The following ANO6 variants were observed in gnomAD, a reference collection of about 807,000 sequenced individuals.
ANO6 encodes anoctamin-6.
A neutral mutation model predicts 117.5 loss-of-function variants in ANO6; 106 were observed. The ratio of observed to expected loss-of-function variants is 0.90; its 90% CI spans 0.77 to 1.06. The LOEUF (loss-of-function observed/expected upper bound fraction) is 1.06. ANO6 is among the 50% of genes least tolerant of loss of function. The pLI is 0.00. For missense variants in ANO6, 955 were observed against 1,121.1 expected, an observed-to-expected ratio of 0.85 and a Z score of 2.12; for synonymous variants, 367 against 385.1, an observed-to-expected ratio of 0.95 and a Z score of 0.55.
chr12:45,237,947 G>A lies in ANO6; in HGVS notation c.70+21556G>A, dbSNP rs145277490. Reference sequence around the variant, plus strand: ...CTTGAAGAGGTCCCTCACATCTCTTGTAAGTTGGATTCCTAGCTATTTTAT... The same window carrying A: ...CTTGAAGAGGTCCCTCACATCTCTTATAAGTTGGATTCCTAGCTATTTTAT... On this transcript the variant is annotated intron_variant, in intron 1 of 19. Transcript: ENST00000320560. 1.4e-3 allele frequency among the ~76,000 whole-genome samples: 212 copies of A among 152,252 alleles called. 1 individual carries two copies. The highest frequency in any genetic ancestry group is 4.9e-3 in the African/African-American group (205 of 41,550).
At chr12:45,304,901 G>T (rs917907465) in intron 2 of ANO6, among the ~76,000 whole-genome samples, 11 of 152,150 alleles carry the variant, frequency 7.2e-5, no homozygotes, top group Non-Finnish European at 1.5e-4. Flanking sequence ...AATAAATGCT[G>T]CTGTGAACCT....
rs1028825643 is a variant in ANO6 at position 45,403,337 on chromosome 12, A to AT, written c.1783-96dup. The AT allele has an allele frequency of 8.1e-5, 125 of 1,540,708 alleles. No homozygotes were observed. In the African/African-American group the frequency reaches 1.2e-3, roughly 15 times the overall value. ...TTTTTATTGTAAATTCCTTAGATTTATTTTTTAGCCTAAACAGAACAAATG... is the reference window on the plus strand; with the variant it reads ...TTTTTATTGTAAATTCCTTAGATTTATTTTTTTAGCCTAAACAGAACAAATG... On this transcript the variant is annotated intron_variant, in intron 14 of 19. Coordinates refer to ENST00000320560, the MANE Select transcript of ANO6 (RefSeq NM_001025356.3).
At chr12:45,222,016 G>A (rs1461349095) in intron 1 of ANO6, among the ~76,000 whole-genome samples, 1 of 151,386 alleles carries the variant, frequency 6.6e-6, no homozygotes, top group African/African-American at 2.4e-5. Flanking sequence ...CAAGTAGCTG[G>A]GACTACAGGC....
Position 45,429,600 on chromosome 12 carries a change from C to A in ANO6, c.*289C>A. On this transcript the variant is annotated 3_prime_UTR_variant, in exon 20 of 20. Transcript: ENST00000320560. ...TCCCTCAGTGTGCTTAAAAACCACCCCTTCTAAAGTAGAATGGATTCTTTT... is the reference window on the plus strand; with the variant it reads ...TCCCTCAGTGTGCTTAAAAACCACCACTTCTAAAGTAGAATGGATTCTTTT... 1 of 1,221,126 alleles carries A rather than the reference C, an allele frequency of 8.2e-7. No homozygotes were observed. 75.6% of individuals were successfully genotyped at this position (1,221,126 alleles called of 1,614,324 possible).
At chr12:45,257,433 C>T (rs369661893) in intron 1 of ANO6, among the ~76,000 whole-genome samples, 3 of 152,178 alleles carry the variant, frequency 2.0e-5, no homozygotes, top group Non-Finnish European at 4.4e-5. Context: ...GGAATGATTT[C>T]GGTGATTTAG....
At chr12:45,301,594 G>A (rs1244777079) in intron 1 of ANO6, among the ~76,000 whole-genome samples, 1 of 150,514 alleles carries the variant, frequency 6.6e-6, no homozygotes, top group East Asian at 1.9e-4. Context: ...TCCAGCCTGG[G>A]TGACAGAGTG....
At chr12:45,419,757 C>G (rs887172416) in intron 17 of ANO6, among the ~76,000 whole-genome samples, 2 of 152,034 alleles carry the variant, frequency 1.3e-5, no homozygotes, top group African/African-American at 2.4e-5. Flanking sequence ...TCCTTCCTTC[C>G]AACCAGTTTT....
intron 3 of ANO6, among the ~76,000 whole-genome samples, chr12:45,335,292 G>A (rs932872270): frequency 1.3e-5 from 2 of 151,828 alleles, no homozygotes; most frequent in East Asian, 3.9e-4. Flanking sequence ...TTCAAATACC[G>A]TGAGACAACT....
intron 12 of ANO6, among the ~76,000 whole-genome samples, chr12:45,390,924 C>G (rs1942432442): frequency 6.6e-6 from 1 of 152,090 alleles, no homozygotes; most frequent in Non-Finnish European, 1.5e-5. Flanking sequence ...GAGTCAAGAC[C>G]AGCCTGGCCA....
In ANO6 at chr12:45,369,785, AAT is replaced by A. The variant is rs1176363283; in HGVS notation, c.1104+1995_1104+1996del. Among the ~76,000 whole-genome samples, 5 of 152,334 alleles carry A rather than the reference AAT, an allele frequency of 3.3e-5. No homozygotes were observed. The East Asian group carries it at 7.7e-4, about 23-fold the overall frequency. On this transcript the variant is annotated intron_variant, in intron 9 of 19. Transcript: ENST00000320560. ...TACCTTTTAGCAAATTAAAAATAGA[AAT>A]ATGAAATTAGGAAACAATTACACAA...
chr12:45,267,752 G>T (rs186711326), intron 1 of ANO6, among the ~76,000 whole-genome samples: 1 of 152,094 alleles, frequency 6.6e-6, no homozygotes, highest in East Asian at 1.9e-4. Context: ...GAACATGCCA[G>T]TGTGCTCCAG....
At chr12:45,350,811 T>C in intron 7 of ANO6, 37 bp downstream of exon 7, 1 of 1,511,402 alleles carries the variant, frequency 6.6e-7, no homozygotes, top group Non-Finnish European at 9.2e-7. Flanking sequence ...GGGGAGGCAC[T>C]CAGGGTGTTA....
rs1593000070 is a variant in ANO6 at position 45,350,546 on chromosome 12, A to C, written c.748-113A>C. 9.7e-6 allele frequency: 8 copies of C among 823,282 alleles called. No individual in the cohort carries two copies. The East Asian group carries it at 2.1e-4, about 22-fold the overall frequency. 51.0% of individuals were successfully genotyped at this position (823,282 alleles called of 1,614,324 possible). A position where few individuals can be genotyped will look rare whatever the true frequency, so the allele number is the denominator to read the frequency against. On this transcript the variant is annotated intron_variant, in intron 6 of 19. Coordinates refer to ENST00000320560, the MANE Select transcript of ANO6 (RefSeq NM_001025356.3). ...AGATGGTATTTCCACCCTTTCCAGA[A>C]GGTGAGGACCCCTTGTTCACAATTG...
chr12:45,424,947 T>TA (rs35933311), intron 19 of ANO6, among the ~76,000 whole-genome samples: 68 of 147,608 alleles, frequency 4.6e-4, no homozygotes, highest in Admixed American at 1.1e-3. Context: ...AGAGGTGATT[T>TA]AAAAAAAAAA....
intron 12 of ANO6, among the ~76,000 whole-genome samples, chr12:45,399,165 T>G (rs1462095373): frequency 6.6e-6 from 1 of 152,124 alleles, no homozygotes; most frequent in Non-Finnish European, 1.5e-5. Context: ...TGTCACATCT[T>G]CCAAGCCAAG....
At chr12:45,222,630 C>T (rs1947421468) in intron 1 of ANO6, among the ~76,000 whole-genome samples, 1 of 152,182 alleles carries the variant, frequency 6.6e-6, no homozygotes, top group South Asian at 2.1e-4. Context: ...CCTCAGAAAA[C>T]AATCTCCATC....
At chr12:45,244,408 G>C (rs116295652) in intron 1 of ANO6, among the ~76,000 whole-genome samples, 5,364 of 148,876 alleles carry the variant, frequency 0.036, 366 homozygotes, top group African/African-American at 0.12. Context: ...CTATTTGGGG[G>C]GGGGGGGTGG....
intron 1 of ANO6, among the ~76,000 whole-genome samples, chr12:45,255,925 A>G (rs946865627): frequency 4.0e-5 from 6 of 149,750 alleles, no homozygotes; most frequent in East Asian, 2.0e-4. Context: ...GGTTCAAGCA[A>G]TTCTGCCTGA....
intron 1 of ANO6, among the ~76,000 whole-genome samples, chr12:45,225,868 A>G (rs754093747): frequency 2.6e-5 from 4 of 152,232 alleles, no homozygotes; most frequent in Non-Finnish European, 4.4e-5. Context: ...AGAGTAGTCA[A>G]TTTTAGAACA....
Sources: allele counts gnomAD v4.1 joint callset (sites outside exome capture counted in the v4.1 genomes callset), GRCh38; gene constraint gnomAD v4.1.1; transcripts MANE v1.5; gene names NCBI Gene and HGNC (gene_info 2026-07-23, HGNC 2026-07-21).